Variants in CNTNAP2 observed in about 807,000 individuals in gnomAD.
CNTNAP2 encodes the protein contactin associated protein 2, also known as contactin-associated protein-like 2.
A neutral mutation model predicts 155.2 loss-of-function variants in CNTNAP2; 98 were observed. The observed-to-expected ratio is 0.63, with a 90% CI of 0.54 to 0.75. The LOEUF is 0.75. Among genes scored for constraint, CNTNAP2 ranks in the 30% least tolerant of loss-of-function variants. CNTNAP2 has a pLI of 0.00. For missense variants in CNTNAP2, 1,727 were observed against 1,688.1 expected, an observed-to-expected ratio of 1.02 and a Z score of -0.40; for synonymous variants, 651 against 631.2, an observed-to-expected ratio of 1.03 and a Z score of -0.47.
intron 16 of CNTNAP2, 29 bp downstream of exon 16, chr7:148,118,317 G>A (rs761949998): frequency 9.9e-6 from 16 of 1,613,072 alleles, no homozygotes; most frequent in Non-Finnish European, 8.5e-7. Context: ...TCAACTCATG[G>A]GGAGCCACTT....
chr7:146,730,695 G>A (rs970905850), intron 1 of CNTNAP2, among the ~76,000 whole-genome samples: 2 of 152,118 alleles, frequency 1.3e-5, no homozygotes, highest in Admixed American at 6.6e-5. Context: ...TTTCTTGAAT[G>A]AGTGGCTAAA....
intron 8 of CNTNAP2, among the ~76,000 whole-genome samples, chr7:147,224,407 C>T (rs1345731805): frequency 1.3e-5 from 2 of 152,104 alleles, no homozygotes; most frequent in Non-Finnish European, 2.9e-5. Context: ...TATTGGAACA[C>T]ACACAGCAGA....
chr7:148,264,150 G>C (rs973860785), intron 20 of CNTNAP2, among the ~76,000 whole-genome samples: 4 of 152,136 alleles, frequency 2.6e-5, no homozygotes, highest in Admixed American at 2.6e-4. Flanking sequence ...TTAAAACTGT[G>C]TACTATGTAT....
At chr7:146,883,621 A>C (rs7341537) in intron 3 of CNTNAP2, among the ~76,000 whole-genome samples, 59,935 of 151,990 alleles carry the variant, frequency 0.39, 11,881 homozygotes, top group East Asian at 0.44. Context: ...TTCCTTTCAA[A>C]TGCATAAGTA....
rs568292614 is a variant in CNTNAP2, at chr7:146,983,547, C to T, written c.403-60360C>T. ...TCGCTACACACAACTACCCTACAAA[C>T]GCCAAGATTCAAATGTGATACTCTC... On this transcript the variant is annotated intron_variant, in intron 3 of 23. Transcript: ENST00000361727. Among the ~76,000 whole-genome samples, 28 of 152,254 alleles carry T rather than the reference C, an allele frequency of 1.8e-4. No homozygotes were observed. In the South Asian group the frequency reaches 2.7e-3, roughly 15 times the overall value.
chr7:147,559,251 C>A (rs1041280867), intron 11 of CNTNAP2, among the ~76,000 whole-genome samples: 2 of 152,126 alleles, frequency 1.3e-5, no homozygotes, highest in African/African-American at 2.4e-5. Flanking sequence ...AAGGCCACAC[C>A]AGAAAGGGTG....
chr7:148,111,035 C>T (rs1298706571), intron 15 of CNTNAP2, among the ~76,000 whole-genome samples: 2 of 152,286 alleles, frequency 1.3e-5, no homozygotes, highest in African/African-American at 2.4e-5. Context: ...GGAGTCCCTT[C>T]AATGGGACAG....
At chr7:147,867,044 C>T (rs771597268) in intron 13 of CNTNAP2, among the ~76,000 whole-genome samples, 2 of 152,166 alleles carry the variant, frequency 1.3e-5, no homozygotes, top group Non-Finnish European at 2.9e-5. Context: ...TTCACAGCAT[C>T]GATGGTCTTT....
At chr7:146,952,719 A>C (rs935906573) in intron 3 of CNTNAP2, among the ~76,000 whole-genome samples, 8 of 152,148 alleles carry the variant, frequency 5.3e-5, no homozygotes, top group African/African-American at 9.7e-5. Flanking sequence ...TACAACTTAC[A>C]AGGGATGTGA....
chr7:147,950,967 T>C (rs1248625440), intron 14 of CNTNAP2, among the ~76,000 whole-genome samples: 1 of 152,240 alleles, frequency 6.6e-6, no homozygotes, highest in African/African-American at 2.4e-5. Context: ...TGCCATGTTT[T>C]CACAAGGTGC....
chr7:146,175,532 G>A (rs1471858386), intron 1 of CNTNAP2, among the ~76,000 whole-genome samples: 1 of 152,192 alleles, frequency 6.6e-6, no homozygotes, highest in African/African-American at 2.4e-5. Context: ...CCTGGTATCA[G>A]AAGAGTGTAA....
At chr7:146,185,810 A>T (rs1286553285) in intron 1 of CNTNAP2, among the ~76,000 whole-genome samples, 2 of 137,130 alleles carry the variant, frequency 1.5e-5, no homozygotes, top group Non-Finnish European at 3.1e-5. Flanking sequence ...TCTGTGGGCT[A>T]AAGTAGGCTT....
At position 147,890,794 on chromosome 7, in the gene CNTNAP2, GC is replaced by G. The variant is rs149418430; in HGVS notation, c.2099-12770del. Among the ~76,000 whole-genome samples, 1,513 of 152,248 alleles carry G rather than the reference GC, an allele frequency of 9.9e-3. 38 individuals carry two copies. Among genetic ancestry groups the G allele is most frequent in the African/African-American group, 0.034 (1,398 of 41,540 alleles). Reference sequence around the variant, plus strand: ...GAGAGTTGAATGGTGGTTACCAGAGGCTAGGGAATGGGAGGTTGCAGAGTTG... The same window carrying G: ...GAGAGTTGAATGGTGGTTACCAGAGGTAGGGAATGGGAGGTTGCAGAGTTG... On this transcript the variant is annotated intron_variant, in intron 13 of 23. Transcript: ENST00000361727.
At chr7:147,097,706 A>T (rs1366974175) in intron 4 of CNTNAP2, 1 of 152,252 alleles carries the variant, frequency 6.6e-6, no homozygotes, top group Non-Finnish European at 1.5e-5. Context: ...GAGACAAAGC[A>T]TATCAGATGA....
intron 3 of CNTNAP2, among the ~76,000 whole-genome samples, chr7:146,895,943 T>C (rs141810083): frequency 6.6e-6 from 1 of 152,246 alleles, no homozygotes; most frequent in African/African-American, 2.4e-5. Flanking sequence ...TATAAAATAT[T>C]GCATTTTCTC....
intron 1 of CNTNAP2, among the ~76,000 whole-genome samples, chr7:146,550,751 A>G (rs1384996919): frequency 6.6e-6 from 1 of 152,200 alleles, no homozygotes; most frequent in East Asian, 1.9e-4. Context: ...AATGATCAGC[A>G]TAGAGCCTGT....
intron 1 of CNTNAP2, among the ~76,000 whole-genome samples, chr7:146,377,156 T>G (rs1795315239): frequency 6.6e-6 from 1 of 152,196 alleles, no homozygotes; most frequent in Admixed American, 6.5e-5. Flanking sequence ...TCCATTTCAT[T>G]TTGGCTTCCT....
rs190621558 is a variant in CNTNAP2, at chr7:147,615,965, T to C, written c.1898-23141T>C. Among the ~76,000 whole-genome samples the C allele has an allele frequency of 5.6e-4, 85 of 152,244 alleles. 4 individuals carry two copies. In the South Asian group the frequency reaches 0.016, roughly 29 times the overall value. ...CTAGTCTTGGTCTCTTTATTGGCTC[T>C]TCTATTTCCCACAATTTCTCCCACC... On this transcript the variant is annotated intron_variant, in intron 12 of 23. Coordinates refer to ENST00000361727, the MANE Select transcript of CNTNAP2 (RefSeq NM_014141.6).
At chr7:147,986,236 A>C (rs188682284) in intron 15 of CNTNAP2, among the ~76,000 whole-genome samples, 1 of 152,216 alleles carries the variant, frequency 6.6e-6, no homozygotes, top group East Asian at 1.9e-4. Flanking sequence ...ATTAATTATA[A>C]TACATTCGAT....
Sources: allele counts gnomAD v4.1 joint callset (sites outside exome capture counted in the v4.1 genomes callset), GRCh38; gene constraint gnomAD v4.1.1; transcripts MANE v1.5; gene names NCBI Gene and HGNC (gene_info 2026-07-23, HGNC 2026-07-21).